Variants in ZBTB7C observed in about 807,000 individuals in gnomAD.
ZBTB7C encodes the protein zinc finger and BTB domain containing 7C, also known as zinc finger and BTB domain-containing protein 7C.
In ZBTB7C, 8 loss-of-function variants were observed where a neutral mutation model predicts 25.7. That is an observed-to-expected ratio of 0.31 (90% CI 0.18 to 0.56). The LOEUF is 0.56. Ranked by LOEUF, ZBTB7C falls within the 20% of genes least tolerant of loss-of-function variation. The pLI is 0.91. For missense variants in ZBTB7C, 824 were observed against 855.2 expected (o/e 0.96, Z 0.46); for synonymous variants, 394 against 369.0 (o/e 1.07, Z -0.78).
chr18:48,279,161 C>CCT (rs2044756519), intron 2 of ZBTB7C, among the ~76,000 whole-genome samples: 1 of 152,092 alleles, frequency 6.6e-6, no homozygotes, highest in African/African-American at 2.4e-5. Context: ...CCCGGCACCC[C>CCT]CACTCCTCAG....
intron 1 of ZBTB7C, among the ~76,000 whole-genome samples, chr18:48,390,829 G>C (rs539344692): frequency 1.3e-5 from 2 of 152,332 alleles, no homozygotes; most frequent in African/African-American, 4.8e-5. Context: ...CGGCTGGAGA[G>C]GGCTGTGCAG....
At chr18:48,160,634 G>C (rs1175303324) in intron 3 of ZBTB7C, among the ~76,000 whole-genome samples, 1 of 152,166 alleles carries the variant, frequency 6.6e-6, no homozygotes, top group Non-Finnish European at 1.5e-5. Flanking sequence ...TGGCAATCTT[G>C]ATCAAAGAGC....
At chr18:48,145,642 T>C (rs2040476577) in intron 3 of ZBTB7C, among the ~76,000 whole-genome samples, 1 of 152,244 alleles carries the variant, frequency 6.6e-6, no homozygotes, top group Non-Finnish European at 1.5e-5. Context: ...GAGCCAATGA[T>C]GATATAGATA....
intron 3 of ZBTB7C, among the ~76,000 whole-genome samples, chr18:48,111,451 T>C (rs974196923): frequency 1.3e-5 from 2 of 152,242 alleles, no homozygotes. Flanking sequence ...AAGAGACTCC[T>C]TCTATGTCAT....
chr18:48,065,375 G>A (rs1290916113), intron 3 of ZBTB7C, among the ~76,000 whole-genome samples: 1 of 151,848 alleles, frequency 6.6e-6, no homozygotes, highest in Non-Finnish European at 1.5e-5. Flanking sequence ...GCCTGAGAAA[G>A]CCCATAGTAT....
intron 2 of ZBTB7C, among the ~76,000 whole-genome samples, chr18:48,234,859 A>G (rs1423942376): frequency 6.6e-6 from 1 of 152,134 alleles, no homozygotes; most frequent in Non-Finnish European, 1.5e-5. Flanking sequence ...TCCTTTGTGT[A>G]TTTCGAAACT....
At chr18:48,069,772 G>T (rs116983086) in intron 3 of ZBTB7C, among the ~76,000 whole-genome samples, 6 of 152,318 alleles carry the variant, frequency 3.9e-5, no homozygotes, top group Non-Finnish European at 8.8e-5. Context: ...GCAGAGGAAG[G>T]GTGTTTTTGT....
chr18:48,048,794 G>T (rs1252338126), intron 3 of ZBTB7C, among the ~76,000 whole-genome samples: 2 of 152,102 alleles, frequency 1.3e-5, no homozygotes, highest in Non-Finnish European at 2.9e-5. Flanking sequence ...AGGCTCCCAG[G>T]GCTCTCCCCT....
At chr18:48,095,121 C>A (rs2038569807) in intron 3 of ZBTB7C, among the ~76,000 whole-genome samples, 1 of 152,138 alleles carries the variant, frequency 6.6e-6, no homozygotes, top group Admixed American at 6.5e-5. Flanking sequence ...GGCAATATAA[C>A]AGGTGATCTT....
intron 2 of ZBTB7C, among the ~76,000 whole-genome samples, chr18:48,216,826 C>T (rs147263587): frequency 6.6e-6 from 1 of 152,100 alleles, no homozygotes; most frequent in African/African-American, 2.4e-5. Context: ...CTGTGTCCAC[C>T]CCGAATTCAT....
chr18:48,211,765 T>C (rs1309221063), intron 2 of ZBTB7C, among the ~76,000 whole-genome samples: 1 of 152,226 alleles, frequency 6.6e-6, no homozygotes, highest in Non-Finnish European at 1.5e-5. Context: ...ACAGCCACTG[T>C]GGAAGACAGT....
intron 2 of ZBTB7C, among the ~76,000 whole-genome samples, chr18:48,312,220 C>CA (rs2045837812): frequency 6.6e-6 from 1 of 152,190 alleles, no homozygotes; most frequent in African/African-American, 2.4e-5. Context: ...ACCAGCTGGC[C>CA]AACTTCCCAT....
intron 3 of ZBTB7C, among the ~76,000 whole-genome samples, chr18:48,139,391 G>A (rs1164741744): frequency 6.6e-6 from 1 of 152,132 alleles, no homozygotes; most frequent in African/African-American, 2.4e-5. Context: ...AGCGGGATGT[G>A]GGAGGGAAGC....
intron 3 of ZBTB7C, among the ~76,000 whole-genome samples, chr18:48,154,042 G>C (rs917920021): frequency 2.6e-5 from 4 of 152,186 alleles, no homozygotes; most frequent in Non-Finnish European, 5.9e-5. Flanking sequence ...GCTATGTCAA[G>C]TCCAAAGGCC....
rs1394039220 is a variant in ZBTB7C, at chr18:48,039,956, C to T, written c.1152G>A (p.Arg384=). 1.2e-6 allele frequency: 2 copies of T among 1,613,942 alleles called. No homozygotes were observed. The highest frequency in any genetic ancestry group is 1.7e-6 in the Non-Finnish European group (2 of 1,180,046). The change falls in exon 4 of 5, where the codon AGG becomes AGA. Residue 384 remains arginine, a synonymous_variant. Coordinates refer to ENST00000590800, the MANE Select transcript of ZBTB7C (RefSeq NM_001318841.2). ...TGTATGGCTTCTCCCCGGTATGGGT[C>T]CTCATGTGCCGCGGCAGCTTCCCGG... ...MGAGKLPRHM[R]THTGEKPYMC... is the part of the protein sequence containing the mutation.
chr18:48,411,063 TTTCA>T (rs1568433488), upstream of ZBTB7C, among the ~76,000 whole-genome samples: 76 of 152,306 alleles, frequency 5.0e-4, no homozygotes, highest in African/African-American at 1.8e-3. Context: ...TTTTAAACCA[TTTCA>T]TTCATTCGTG....
chr18:48,047,323 C>T (rs1261774550), intron 3 of ZBTB7C, among the ~76,000 whole-genome samples: 1 of 151,074 alleles, frequency 6.6e-6, no homozygotes, highest in Non-Finnish European at 1.5e-5. Context: ...ATAACATGCA[C>T]AAGGAAAAAA....
intron 1 of ZBTB7C, among the ~76,000 whole-genome samples, chr18:48,344,442 G>GA (rs1482479133): frequency 2.7e-4 from 41 of 152,294 alleles, no homozygotes; most frequent in African/African-American, 8.9e-4. Flanking sequence ...ACTGGTCTGG[G>GA]ATCACCTTCT....
At chr18:48,119,430 A>T (rs1231787889) in intron 3 of ZBTB7C, among the ~76,000 whole-genome samples, 2 of 152,198 alleles carry the variant, frequency 1.3e-5, no homozygotes, top group Admixed American at 1.3e-4. Context: ...CTCATGGAAG[A>T]CCTGCGTTCC....
Sources: gnomAD v4.1 joint callset for allele counts (sites outside exome capture counted in the v4.1 genomes callset) on GRCh38, gnomAD v4.1.1 for gene constraint, MANE v1.5 for transcripts, NCBI Gene and HGNC (gene_info 2026-07-23, HGNC 2026-07-21) for gene names.